STAU2: variants seen among roughly 807,000 people sequenced by gnomAD.
The protein encoded by STAU2 is double-stranded RNA-binding protein Staufen homolog 2.
Under a neutral mutation model 65.9 loss-of-function variants are expected in STAU2, and 20 were observed. The observed-to-expected ratio is 0.30, with a 90% CI of 0.21 to 0.44. STAU2 has a LOEUF of 0.44. STAU2 is among the 20% of genes least tolerant of loss of function. The pLI is 1.00. For synonymous variants in STAU2, 232 were observed against 233.9 expected (o/e 0.99, Z 0.07); for missense variants, 558 against 683.9 (o/e 0.82, Z 2.05).
rs569600617 is a variant in STAU2, at chr8:73,471,817, T to TAAAAAAAAAAA, written c.1531-49126_1531-49116dup. ...TGGGCAACAAGGGCGAGACTCCAAC[T>TAAAAAAAAAAA]AAAAAAAAAAAAAAAAAAAAGAGAG... On this transcript the variant is annotated intron_variant, in intron 13 of 14. Transcript: ENST00000524300. 1.6e-4 allele frequency among the ~76,000 whole-genome samples: 14 copies of TAAAAAAAAAAA among 86,808 alleles called. 1 individual carries two copies. The highest frequency in any genetic ancestry group is 6.8e-4 in the East Asian group (2 of 2,936). 56.9% of individuals were successfully genotyped at this position (86,808 alleles called of 152,430 possible).
At chr8:73,470,508 G>A (rs1397731493) in intron 13 of STAU2, among the ~76,000 whole-genome samples, 1 of 152,180 alleles carries the variant, frequency 6.6e-6, no homozygotes, top group Non-Finnish European at 1.5e-5. Flanking sequence ...TAAATTAAAA[G>A]TAGTAGAGGC....
At chr8:73,747,195 C>T, upstream of STAU2, 1 of 592,094 alleles carries the variant, frequency 1.7e-6, no homozygotes, top group Non-Finnish European at 2.7e-6. Context: ...GGCACGCGGG[C>T]GAGCGACTGC....
At chr8:73,659,375 T>C (rs537161555) in intron 6 of STAU2, among the ~76,000 whole-genome samples, 1 of 152,084 alleles carries the variant, frequency 6.6e-6, no homozygotes, top group Admixed American at 6.5e-5. Context: ...CTGTCTCTAC[T>C]AAAAACACAA....
intron 13 of STAU2, chr8:73,439,246 C>T (rs1227226031): frequency 8.6e-6 from 3 of 347,020 alleles, no homozygotes; most frequent in South Asian, 2.2e-5. Context: ...CTCCAGCACC[C>T]GCATTGCATG....
At chr8:73,572,178 C>T (rs1342810321) in intron 12 of STAU2, among the ~76,000 whole-genome samples, 4 of 152,202 alleles carry the variant, frequency 2.6e-5, no homozygotes, top group Non-Finnish European at 5.9e-5. Flanking sequence ...TGGACACATA[C>T]ACCCTCCTAA....
At chr8:73,544,601 AGT>A (rs1005560179) in intron 13 of STAU2, among the ~76,000 whole-genome samples, 1 of 152,170 alleles carries the variant, frequency 6.6e-6, no homozygotes, top group Non-Finnish European at 1.5e-5. Flanking sequence ...TAAAATCTGA[AGT>A]ATTCTTTAAA....
chr8:73,745,248 T>G (rs1185011506), intron 1 of STAU2, among the ~76,000 whole-genome samples: 1 of 152,248 alleles, frequency 6.6e-6, no homozygotes, highest in Non-Finnish European at 1.5e-5. Context: ...ATGTGATATC[T>G]CTTGTTTGCA....
intron 3 of STAU2, among the ~76,000 whole-genome samples, chr8:73,715,630 CA>C (rs1554570452): frequency 6.6e-6 from 1 of 151,758 alleles, no homozygotes; most frequent in Non-Finnish European, 1.5e-5. Context: ...TTCTGATGGG[CA>C]ACATTGATTA....
chr8:73,445,511 T>G (rs927144758), intron 13 of STAU2, among the ~76,000 whole-genome samples: 20 of 152,228 alleles, frequency 1.3e-4, no homozygotes, highest in Admixed American at 1.2e-3. Flanking sequence ...AATGGATACA[T>G]TGGACCTCAT....
chr8:73,452,258 C>T (rs574661167), intron 13 of STAU2, among the ~76,000 whole-genome samples: 25 of 152,258 alleles, frequency 1.6e-4, no homozygotes, highest in African/African-American at 5.1e-4. Context: ...CCTATCATGA[C>T]ACCCGGCTCT....
Position 73,552,316 on chromosome 8 carries a change from G to A in STAU2, c.1226C>T (p.Pro409Leu), listed in dbSNP as rs1160088369. The change falls in exon 13 of 15, where the codon CCA (proline) becomes CTA (leucine). Residue 409 changes from proline to leucine, a missense_variant. Coordinates refer to ENST00000524300, the MANE Select transcript of STAU2 (RefSeq NM_001164380.2). Reference protein sequence around the residue: ...PGFPEPTNNTPKGILHLSPDV... With the variant: ...PGFPEPTNNTLKGILHLSPDV... ...AGGAGACAAATGAAGAATTCCTTTT[G>A]GAGCTATAAATAAAATGAAGAACAC... 1 of 1,608,412 alleles carries A rather than the reference G, an allele frequency of 6.2e-7. No individual in the cohort carries two copies. Among genetic ancestry groups the A allele is most frequent in the Middle Eastern group, 1.7e-4 (1 of 6,000 alleles).
At chr8:73,595,141 A>C in intron 11 of STAU2, 25 bp downstream of exon 11, 1 of 1,566,850 alleles carries the variant, frequency 6.4e-7, no homozygotes, top group Non-Finnish European at 8.6e-7. Flanking sequence ...CAGATAGGAT[A>C]CATACATGTA....
intron 4 of STAU2, among the ~76,000 whole-genome samples, chr8:73,690,618 A>C (rs1025887162): frequency 6.6e-6 from 1 of 152,214 alleles, no homozygotes; most frequent in African/African-American, 2.4e-5. Flanking sequence ...ATTTACTTTC[A>C]AATTGTTCAA....
chr8:73,666,441 G>A (rs1004972775), intron 6 of STAU2, among the ~76,000 whole-genome samples: 3 of 152,074 alleles, frequency 2.0e-5, no homozygotes, highest in Non-Finnish European at 2.9e-5. Flanking sequence ...AATGATTTCC[G>A]TGTCTCACAG....
chr8:73,456,085 G>C (rs1445352919), intron 13 of STAU2, among the ~76,000 whole-genome samples: 1 of 152,238 alleles, frequency 6.6e-6, no homozygotes, highest in Non-Finnish European at 1.5e-5. Context: ...CCAGTGGGCA[G>C]ACTCAGGCTC....
upstream of STAU2, chr8:73,747,363 T>A (rs1004852015): frequency 3.9e-6 from 6 of 1,535,126 alleles, no homozygotes; most frequent in South Asian, 1.2e-5. Flanking sequence ...GTCCGCACCC[T>A]GTGCTCTGAT....
At position 73,552,075 on chromosome 8, in the gene STAU2, G is replaced by C. The variant is rs1264945141; in HGVS notation, c.1467C>G (p.Pro489=). ...AIGLKGSSPT[P]PCSPVQPSKQ... is the part of the protein sequence containing the mutation. ...TTGAAGGTTGTACTGGAGAACAAGG[G>C]GGAGTAGGAGAACTTCCTTTTAAAC... is the stretch of plus-strand genomic sequence containing the variant. Residue 489 remains proline (P), a synonymous_variant, in exon 13 of 15, where the codon CCC becomes CCG. Transcript: ENST00000524300. 17 of 1,611,446 alleles carry C rather than the reference G, an allele frequency of 1.1e-5. No individual in the cohort carries two copies. The highest frequency in any genetic ancestry group is 1.4e-5 in the Non-Finnish European group (16 of 1,178,286).
chr8:73,679,438 C>A (rs1026583695), intron 5 of STAU2, among the ~76,000 whole-genome samples: 1 of 152,182 alleles, frequency 6.6e-6, no homozygotes, highest in African/African-American at 2.4e-5. Flanking sequence ...CATGAGACAG[C>A]CAAAACACCG....
intron 13 of STAU2, among the ~76,000 whole-genome samples, chr8:73,505,502 CT>C (rs902075103): frequency 9.2e-5 from 14 of 152,144 alleles, no homozygotes; most frequent in Non-Finnish European, 1.8e-4. Context: ...AGAGGACCCC[CT>C]GAGACATGGA....
Sources: allele counts gnomAD v4.1 joint callset (sites outside exome capture counted in the v4.1 genomes callset), GRCh38; gene constraint gnomAD v4.1.1; transcripts MANE v1.5; gene names NCBI Gene and HGNC (gene_info 2026-07-23, HGNC 2026-07-21).